ZNF461: variants seen among roughly 807,000 people sequenced by gnomAD.
ZNF461 encodes zinc finger protein 461.
A neutral mutation model predicts 18.3 loss-of-function variants in ZNF461; 16 were observed. The observed-to-expected ratio is 0.88, with a 90% CI of 0.59 to 1.33. The LOEUF (loss-of-function observed/expected upper bound fraction) is 1.33, where lower values mean the gene tolerates loss of function less well. ZNF461 is among the 40% of genes most tolerant of loss of function. The pLI, the probability that ZNF461 is intolerant of heterozygous loss-of-function variation, is 0.00. For missense variants in ZNF461, 595 were observed against 669.9 expected (o/e 0.89, Z 1.23); for synonymous variants, 179 against 216.9 (o/e 0.83, Z 1.54).
chr19:36,640,166 C>T, intron 5 of ZNF461, 123 bp from the exon 6 acceptor site: 1 of 826,068 alleles, frequency 1.2e-6, no homozygotes, highest in Non-Finnish European at 1.8e-6. Flanking sequence ...TTGGAGAACT[C>T]TTAAATGGGT....
At chr19:36,643,664 T>G in intron 5 of ZNF461, 130 bp downstream of exon 5, 2 of 781,032 alleles carry the variant, frequency 2.6e-6, no homozygotes, top group Non-Finnish European at 3.5e-6. Flanking sequence ...GAATGCGTGA[T>G]TATGTATTTC....
chr19:36,644,579 G>GTTT (rs199702922), intron 4 of ZNF461, among the ~76,000 whole-genome samples: 1 of 148,524 alleles, frequency 6.7e-6, no homozygotes, highest in Admixed American at 6.7e-5. Context: ...AGTTTTTTGT[G>GTTT]TTTTTTTTTG....
chr19:36,655,713 C>G (rs1432415352), intron 4 of ZNF461, among the ~76,000 whole-genome samples: 2 of 152,180 alleles, frequency 1.3e-5, no homozygotes, highest in African/African-American at 4.8e-5. Flanking sequence ...GTTGCCAGTG[C>G]TTTTGGTATT....
Position 36,642,850 on chromosome 19 carries a change from G to A in ZNF461, c.301+944C>T, listed in dbSNP as rs200378693. 8.6e-5 allele frequency among the ~76,000 whole-genome samples: 13 copies of A among 151,816 alleles called. No homozygotes were observed. The East Asian group carries it at 2.5e-3, about 30-fold the overall frequency. On this transcript the variant is annotated intron_variant, in intron 5 of 5. Transcript: ENST00000588268. The stretch of plus-strand genomic sequence containing the variant: ...GCTCACTGCAACCTCCGCCTCCTGG[G>A]TTCAAGTGATTCTCCTGCCTCGGCT...
chr19:36,661,365 T>C (rs2037816330), intron 2 of ZNF461, among the ~76,000 whole-genome samples: 4 of 151,710 alleles, frequency 2.6e-5, no homozygotes, highest in Non-Finnish European at 4.4e-5. Flanking sequence ...TAAAGCACAT[T>C]GCAAACCTTA....
chr19:36,664,836 C>T, intron 1 of ZNF461, 50 bp from the exon 2 acceptor site: 1 of 612,800 alleles, frequency 1.6e-6, no homozygotes, highest in Non-Finnish European at 2.7e-6. Flanking sequence ...TGCCTCTAAG[C>T]TCCCAAAATG....
At chr19:36,659,342 A>G (rs1351443028) in intron 2 of ZNF461, among the ~76,000 whole-genome samples, 2 of 152,196 alleles carry the variant, frequency 1.3e-5, no homozygotes. Context: ...AAGCCCAACC[A>G]TGATTGTTGT....
Position 36,637,561 on chromosome 19 carries a change from T to G in ZNF461, c.*1092A>C, listed in dbSNP as rs892096091. 4 of 179,432 alleles carry G rather than the reference T, an allele frequency of 2.2e-5. No homozygotes were observed. The highest frequency in any genetic ancestry group is 3.5e-5 in the Non-Finnish European group (3 of 84,740). 11.1% of individuals were successfully genotyped at this position (179,432 alleles called of 1,614,324 possible). A position where few individuals can be genotyped will look rare whatever the true frequency, so the allele number is the denominator to read the frequency against. On this transcript the variant is annotated 3_prime_UTR_variant, in exon 6 of 6. Transcript: ENST00000588268. ...AATATAGCTTATTGGCCGGGCATAG[T>G]GGCTGCGCATGCCTGTAGTCCCAGC... is the stretch of plus-strand genomic sequence containing the variant.
chr19:36,638,744 C>G lies in ZNF461; in HGVS notation c.1601G>C (p.Arg534Thr). 1.9e-6 allele frequency: 3 copies of G among 1,613,968 alleles called. No homozygotes were observed. Among genetic ancestry groups the G allele is most frequent in the Non-Finnish European group, 8.5e-7 (1 of 1,179,914 alleles). Reference sequence around the variant, plus strand: ...AGTCTGATGTAAGTTAAGTTGTAATCTATGATTAAACGCCTTCCCGCATTG... The same window carrying G: ...AGTCTGATGTAAGTTAAGTTGTAATGTATGATTAAACGCCTTCCCGCATTG... ...PYQCGKAFNH[R>T]LQLNLHQTLH... The change falls in exon 6 of 6, where the codon AGA becomes ACA. Residue 534 changes from arginine (R) to threonine (T), a missense_variant. Coordinates refer to ENST00000588268, the MANE Select transcript of ZNF461 (RefSeq NM_153257.5).
rs2037869520 is a variant in ZNF461 at position 36,664,496 on chromosome 19, G to A, written c.9+202C>T. ...CCAGCTACTTGGGAGGCTGAAGTGG[G>A]AGAATCGCCTGAACCTGGGAGGTGG... On this transcript the variant is annotated intron_variant, in intron 2 of 5. Transcript: ENST00000588268. Among the ~76,000 whole-genome samples the A allele has an allele frequency of 2.0e-5, 3 of 151,890 alleles. No homozygotes were observed. The South Asian group carries it at 6.2e-4, about 31-fold the overall frequency.
intron 1 of ZNF461, among the ~76,000 whole-genome samples, chr19:36,665,554 C>T (rs1459171974): frequency 6.6e-6 from 1 of 151,880 alleles, no homozygotes; most frequent in South Asian, 2.1e-4. Context: ...ACTAAAAATA[C>T]AAAAATTAGC....
chr19:36,638,421 T>G lies in ZNF461; in HGVS notation c.*232A>C, dbSNP rs1312649961. The G allele has an allele frequency of 2.9e-6, 1 of 347,934 alleles. No individual in the cohort carries two copies. Among genetic ancestry groups the G allele is most frequent in the Non-Finnish European group, 5.2e-6 (1 of 194,022 alleles). The allele number at this position is 347,934 out of a possible 1,614,324, so 21.6% of individuals were successfully genotyped here. A position where few individuals can be genotyped will look rare whatever the true frequency, so the allele number is the denominator to read the frequency against. On this transcript the variant is annotated 3_prime_UTR_variant, in exon 6 of 6. Coordinates refer to ENST00000588268, the MANE Select transcript of ZNF461 (RefSeq NM_153257.5). ...TCACTGGTTTCAGTGAAACATGTAA[T>G]TTTAGAAAATTTATTCTCAATAAAA...
In ZNF461 at chr19:36,637,745, A is replaced by T. The variant is rs1478110427; in HGVS notation, c.*908T>A. On this transcript the variant is annotated 3_prime_UTR_variant, in exon 6 of 6. Coordinates refer to ENST00000588268, the MANE Select transcript of ZNF461 (RefSeq NM_153257.5). ...ATAATGAGAATGTGTAATAAATCAC[A>T]TATTATGAATAACCTACTTTTGTCC... 1 of 385,128 alleles carries T rather than the reference A, an allele frequency of 2.6e-6. No homozygotes were observed. Among genetic ancestry groups the T allele is most frequent in the South Asian group, 1.9e-5 (1 of 51,920 alleles). The allele number at this position is 385,128 out of a possible 1,614,324, so 23.9% of individuals were successfully genotyped here.
At chr19:36,665,668 C>CA (rs1241732427) in intron 1 of ZNF461, among the ~76,000 whole-genome samples, 1 of 143,576 alleles carries the variant, frequency 7.0e-6, no homozygotes, top group Non-Finnish European at 1.5e-5. Flanking sequence ...GAGATCGCGC[C>CA]ACCGCACTCC....
chr19:36,643,659 C>A (rs919195491), intron 5 of ZNF461, 135 bp downstream of exon 5: 8 of 732,190 alleles, frequency 1.1e-5, no homozygotes, highest in African/African-American at 1.8e-5. Flanking sequence ...TAACAGAATG[C>A]GTGATTATGT....
chr19:36,662,061 G>A (rs1278988983), intron 2 of ZNF461, among the ~76,000 whole-genome samples: 1 of 151,946 alleles, frequency 6.6e-6, no homozygotes. Context: ...TAGAGACGGG[G>A]TTTCTCTGTG....
At chr19:36,646,966 A>G (rs982651805) in intron 4 of ZNF461, among the ~76,000 whole-genome samples, 7 of 152,222 alleles carry the variant, frequency 4.6e-5, no homozygotes, top group Admixed American at 4.6e-4. Context: ...GGTTCTCAAT[A>G]GTTTTTAAGA....
At chr19:36,655,792 T>C (rs3108210) in intron 4 of ZNF461, among the ~76,000 whole-genome samples, 30,489 of 152,090 alleles carry the variant, frequency 0.2, 3,154 homozygotes, top group Middle Eastern at 0.26. Flanking sequence ...CTTAGAGTTT[T>C]ATTGCTTTAG....
At chr19:36,641,539 AAT>A (rs1195895585) in intron 5 of ZNF461, among the ~76,000 whole-genome samples, 9 of 144,818 alleles carry the variant, frequency 6.2e-5, no homozygotes, top group Admixed American at 7.0e-5. Context: ...CAAACAACAA[AAT>A]ATATATATAT....
Sources: gnomAD v4.1 joint callset for allele counts (sites outside exome capture counted in the v4.1 genomes callset) on GRCh38, gnomAD v4.1.1 for gene constraint, MANE v1.5 for transcripts, NCBI Gene and HGNC (gene_info 2026-07-23, HGNC 2026-07-21) for gene names.